YAE1: variants seen among roughly 807,000 people sequenced by gnomAD.
The protein encoded by YAE1 is YAE1 maturation factor of ABCE1.
A neutral mutation model predicts 23.0 loss-of-function variants in YAE1; 22 were observed. That is an observed-to-expected ratio of 0.96 (90% CI 0.68 to 1.37). YAE1 has a LOEUF of 1.37. Among genes scored for constraint, YAE1 ranks in the 40% most tolerant of loss-of-function variants. YAE1 has a pLI of 0.00. For synonymous variants in YAE1, 101 were observed against 97.0 expected (o/e 1.04, Z -0.24); for missense variants, 260 against 262.1 (o/e 0.99, Z 0.06).
downstream of YAE1, among the ~76,000 whole-genome samples, chr7:39,577,763 G>A (rs993362110): frequency 2.6e-5 from 4 of 152,360 alleles, no homozygotes; most frequent in East Asian, 7.7e-4. Flanking sequence ...CCCATGGACT[G>A]CCCAAGGGCT....
At chr7:39,588,049 C>T (rs374785187) in intron 2 of YAE1, among the ~76,000 whole-genome samples, 3 of 152,178 alleles carry the variant, frequency 2.0e-5, no homozygotes, top group Non-Finnish European at 2.9e-5. Context: ...CGCTCCCAAC[C>T]CCTATATAGT....
chr7:39,572,725 A>T lies in YAE1; in HGVS notation c.*19A>T, dbSNP rs1790593698. 1 of 1,542,914 alleles carries T rather than the reference A, an allele frequency of 6.5e-7. No individual in the cohort carries two copies. Among genetic ancestry groups the T allele is most frequent in the Non-Finnish European group, 8.7e-7 (1 of 1,151,464 alleles). On this transcript the variant is annotated 3_prime_UTR_variant, in exon 3 of 3. Coordinates refer to ENST00000223273, the MANE Select transcript of YAE1 (RefSeq NM_020192.5). ...ACTATAAAATTACCTTCCCTTTTCTAATGAAAATAATGTTCAGAACATTTG... is the reference window on the plus strand; with the variant it reads ...ACTATAAAATTACCTTCCCTTTTCTTATGAAAATAATGTTCAGAACATTTG...
intron 2 of YAE1, among the ~76,000 whole-genome samples, chr7:39,601,701 G>T (rs2329459): frequency 0.75 from 113,190 of 149,958 alleles, 44,207 homozygotes; most frequent in East Asian, 1. Flanking sequence ...AGAGGTTTCA[G>T]TGAGCCGAGA....
chr7:39,584,315 G>T (rs529196266), intron 2 of YAE1, among the ~76,000 whole-genome samples: 38 of 152,230 alleles, frequency 2.5e-4, no homozygotes, highest in South Asian at 6.2e-4. Flanking sequence ...TGGAAAGGGG[G>T]TACTACTAGC....
intron 1 of YAE1, chr7:39,569,445 TCTTTA>T (rs1455942204): frequency 2.0e-6 from 1 of 490,216 alleles, no homozygotes; most frequent in Non-Finnish European, 4.0e-6. Context: ...CTTTGTTCCT[TCTTTA>T]CTTTTGGCTT....
exon 3 of YAE1, chr7:39,609,676 G>A (rs4723884): frequency 0.2 from 308,212 of 1,535,508 alleles, 35,207 homozygotes; most frequent in African/African-American, 0.51. Flanking sequence ...CCGGAGGTTG[G>A]GACGCAACTA....
chr7:39,589,649 TC>T (rs1282216134), intron 2 of YAE1, among the ~76,000 whole-genome samples: 1 of 152,214 alleles, frequency 6.6e-6, no homozygotes, highest in Non-Finnish European at 1.5e-5. Flanking sequence ...AATCCATTAA[TC>T]CATTTTGATC....
chr7:39,590,910 T>C (rs1790892682), intron 2 of YAE1, among the ~76,000 whole-genome samples: 1 of 152,220 alleles, frequency 6.6e-6, no homozygotes, highest in Non-Finnish European at 1.5e-5. Flanking sequence ...TCACCTACTG[T>C]ATTAGTTTGC....
intron 2 of YAE1, among the ~76,000 whole-genome samples, chr7:39,580,303 C>G (rs1323332439): frequency 6.6e-6 from 1 of 152,154 alleles, no homozygotes; most frequent in Non-Finnish European, 1.5e-5. Context: ...TATTCCTATT[C>G]AACTGAAAGG....
At chr7:39,607,227 C>A (rs572432090) in intron 2 of YAE1, among the ~76,000 whole-genome samples, 49 of 152,102 alleles carry the variant, frequency 3.2e-4, no homozygotes, top group Non-Finnish European at 5.9e-4. Context: ...CTGTTGACCT[C>A]CCCAGTGTTG....
chr7:39,596,322 C>T (rs926818067), intron 2 of YAE1, among the ~76,000 whole-genome samples: 1 of 152,092 alleles, frequency 6.6e-6, no homozygotes, highest in Non-Finnish European at 1.5e-5. Flanking sequence ...ATTCTCCTGC[C>T]TCAGCCTCCC....
At chr7:39,609,290 A>G (rs953786803) in intron 2 of YAE1, among the ~76,000 whole-genome samples, 2 of 152,262 alleles carry the variant, frequency 1.3e-5, no homozygotes, top group Non-Finnish European at 2.9e-5. Flanking sequence ...ATCTGGATAG[A>G]AAATTAGATA....
At chr7:39,610,283 CT>C in exon 3 of YAE1, 1 of 507,276 alleles carries the variant, frequency 2.0e-6, no homozygotes. Context: ...TGTCTTGAAG[CT>C]TTTTGTTGCA....
At chr7:39,581,159 CT>C (rs1790736473) in intron 2 of YAE1, among the ~76,000 whole-genome samples, 1 of 152,232 alleles carries the variant, frequency 6.6e-6, no homozygotes, top group Non-Finnish European at 1.5e-5. Context: ...CAACTCTTCT[CT>C]TTTTAGTCAA....
intron 2 of YAE1, among the ~76,000 whole-genome samples, chr7:39,601,849 C>T (rs1354521710): frequency 6.6e-6 from 1 of 151,400 alleles, no homozygotes; most frequent in South Asian, 2.1e-4. Context: ...TAAGCAGATG[C>T]TTGGGTAGAG....
intron 2 of YAE1, among the ~76,000 whole-genome samples, chr7:39,584,656 T>C (rs1790788952): frequency 6.6e-6 from 1 of 152,102 alleles, no homozygotes; most frequent in Admixed American, 6.5e-5. Context: ...TAGAGTTTAT[T>C]GAGGACTTTT....
At chr7:39,597,727 A>G (rs1790996329) in intron 2 of YAE1, among the ~76,000 whole-genome samples, 1 of 152,116 alleles carries the variant, frequency 6.6e-6, no homozygotes, top group African/African-American at 2.4e-5. Flanking sequence ...AAGTAGGATT[A>G]TTTTCTTTTC....
chr7:39,609,966 A>T, exon 3 of YAE1: 1 of 1,519,744 alleles, frequency 6.6e-7, no homozygotes, highest in Admixed American at 2.1e-5. Context: ...TAGAATCATT[A>T]TCAGAGGTGG....
At chr7:39,611,772 A>G (rs1158925945), downstream of YAE1, among the ~76,000 whole-genome samples, 1 of 152,112 alleles carries the variant, frequency 6.6e-6, no homozygotes, top group Admixed American at 6.5e-5. Flanking sequence ...TGTTTCCTTT[A>G]TTATTGTTTC....
Sources: allele counts gnomAD v4.1 joint callset (sites outside exome capture counted in the v4.1 genomes callset), GRCh38; gene constraint gnomAD v4.1.1; transcripts MANE v1.5; gene names NCBI Gene and HGNC (gene_info 2026-07-23, HGNC 2026-07-21).